Variants in DGLUCY observed in about 807,000 individuals in gnomAD.
The protein encoded by DGLUCY is D-glutamate cyclase.
DGLUCY carries 58 observed loss-of-function variants against 58.5 expected under a neutral mutation model. The observed-to-expected ratio is 0.99, with a 90% CI of 0.80 to 1.23. DGLUCY has a LOEUF of 1.23. Among genes scored for constraint, DGLUCY ranks in the 50% most tolerant of loss-of-function variants. The pLI is 0.00. For missense variants in DGLUCY, 779 were observed against 784.7 expected (o/e 0.99, Z 0.09); for synonymous variants, 325 against 314.1 (o/e 1.03, Z -0.37).
chr14:91,178,079 A>G (rs1211736116), intron 7 of DGLUCY, among the ~76,000 whole-genome samples: 2 of 152,376 alleles, frequency 1.3e-5, no homozygotes, highest in East Asian at 1.9e-4. Context: ...GGCATGTTCC[A>G]GTCCTTTAGT....
At chr14:91,155,538 GGC>G (rs1338690059) in intron 1 of DGLUCY, among the ~76,000 whole-genome samples, 1 of 152,158 alleles carries the variant, frequency 6.6e-6, no homozygotes, top group Non-Finnish European at 1.5e-5. Flanking sequence ...GGCCTTGCAC[GGC>G]GGCTCACTCC....
At chr14:91,186,034 A>T (rs1381236777) in intron 8 of DGLUCY, among the ~76,000 whole-genome samples, 1 of 152,084 alleles carries the variant, frequency 6.6e-6, no homozygotes, top group Non-Finnish European at 1.5e-5. Flanking sequence ...TTTTGAGAGG[A>T]TGTTGGCTTG....
At position 91,120,258 on chromosome 14, in the gene DGLUCY, A is replaced by G. The variant is rs1044746311; in HGVS notation, c.-82+5975A>G. 2.0e-5 allele frequency among the ~76,000 whole-genome samples: 3 copies of G among 152,234 alleles called. No individual in the cohort carries two copies. The East Asian group carries it at 5.8e-4, about 29-fold the overall frequency. The stretch of plus-strand genomic sequence containing the variant: ...TCTGGTGCTGAATGTCCACCCTGTC[A>G]TGGACCTCTGCCTGGGGCTGTCTCA... On this transcript the variant is annotated intron_variant, in intron 1 of 13. Transcript: ENST00000256324.
rs11289852 is a variant in DGLUCY, at chr14:91,178,171, CTT to C, written c.730+2127_730+2128del. ...CAATCTTGAATCATTCTCAAATTCC[CTT>C]TTTTTTTTTTTGAGACAAGGTCTCG... On this transcript the variant is annotated intron_variant, in intron 7 of 13. Coordinates refer to ENST00000256324, the MANE Select transcript of DGLUCY (RefSeq NM_001102368.3). Among the ~76,000 whole-genome samples the C allele has an allele frequency of 2.4e-3, 345 of 146,026 alleles. 2 individuals are homozygous for C. Among genetic ancestry groups the C allele is most frequent in the African/African-American group, 7.4e-3 (297 of 40,268 alleles).
chr14:91,211,457 T>G (rs995889199), intron 12 of DGLUCY, among the ~76,000 whole-genome samples: 8 of 152,146 alleles, frequency 5.3e-5, no homozygotes, highest in African/African-American at 1.9e-4. Flanking sequence ...ATCAAGGCAG[T>G]GTGGTATTGG....
chr14:91,139,895 G>C (rs928920881), intron 1 of DGLUCY, among the ~76,000 whole-genome samples: 1 of 152,190 alleles, frequency 6.6e-6, no homozygotes, highest in Non-Finnish European at 1.5e-5. Context: ...GATTTAAAAG[G>C]GGAGAAAGCA....
chr14:91,159,511 C>A (rs550683543), intron 2 of DGLUCY, among the ~76,000 whole-genome samples: 1 of 152,260 alleles, frequency 6.6e-6, no homozygotes, highest in Admixed American at 6.5e-5. Flanking sequence ...GCACAATTTC[C>A]TAGAGATTTG....
rs1182088430 is a variant in DGLUCY, at chr14:91,199,908, A to T, written c.1444+3A>T. Reference sequence around the variant, plus strand: ...GATTCCTGGAATCTCATCAACTGGTAAGTATGGAGTACTGGGGATGCACCA... The same window carrying T: ...GATTCCTGGAATCTCATCAACTGGTTAGTATGGAGTACTGGGGATGCACCA... On this transcript the variant is annotated splice_donor_region_variant and intron_variant, in intron 11 of 13. Transcript: ENST00000256324. 1 of 1,613,976 alleles carries T rather than the reference A, an allele frequency of 6.2e-7. No homozygotes were observed. The highest frequency in any genetic ancestry group is 1.3e-5 in the African/African-American group (1 of 74,902).
At position 91,204,830 on chromosome 14, in the gene DGLUCY, G is replaced by C. The variant is rs372841772; in HGVS notation, c.1564+5G>C. On this transcript the variant is annotated splice_donor_5th_base_variant and intron_variant, in intron 12 of 13. Coordinates refer to ENST00000256324, the MANE Select transcript of DGLUCY (RefSeq NM_001102368.3). ...CTGACTTTGCCGTCATTGCTGGTGA[G>C]CACTCGGATGGCCGCCCAGTCCGGC... is the stretch of plus-strand genomic sequence containing the variant. The C allele has an allele frequency of 9.3e-6, 15 of 1,613,858 alleles. No individual in the cohort carries two copies. Among genetic ancestry groups the C allele is most frequent in the African/African-American group, 2.7e-5 (2 of 74,942 alleles).
At chr14:91,080,645 A>G (rs990335969) in intron 1 of DGLUCY, among the ~76,000 whole-genome samples, 1 of 152,170 alleles carries the variant, frequency 6.6e-6, no homozygotes, top group African/African-American at 2.4e-5. Flanking sequence ...CTGGGATTAC[A>G]GGCATGAGCC....
intron 7 of DGLUCY, among the ~76,000 whole-genome samples, chr14:91,178,651 G>T (rs1191005210): frequency 6.6e-6 from 1 of 152,144 alleles, no homozygotes; most frequent in Non-Finnish European, 1.5e-5. Context: ...TCAGATTCAA[G>T]ACTTTTTCCC....
chr14:91,131,934 C>T (rs187688552), intron 1 of DGLUCY, among the ~76,000 whole-genome samples: 1 of 152,310 alleles, frequency 6.6e-6, no homozygotes. Context: ...GCTGGGATTA[C>T]AAGAGTGTGC....
At chr14:91,062,558 A>AATATATATAT (rs1157690131) in intron 1 of DGLUCY, among the ~76,000 whole-genome samples, 3 of 23,694 alleles carry the variant, frequency 1.3e-4, no homozygotes, top group African/African-American at 5.9e-4. Flanking sequence ...AAAAAAAAAA[A>AATATATATAT]ATATATATAT....
At chr14:91,156,199 C>T (rs1360229676) in intron 1 of DGLUCY, among the ~76,000 whole-genome samples, 4 of 151,736 alleles carry the variant, frequency 2.6e-5, no homozygotes, top group South Asian at 2.1e-4. Context: ...CTGCAACCTC[C>T]GCCTCCCAGG....
Position 91,069,311 on chromosome 14 carries a change from T to C in DGLUCY, c.-82+8607T>C, listed in dbSNP as rs1228506783. 2.0e-5 allele frequency among the ~76,000 whole-genome samples: 3 copies of C among 152,230 alleles called. 1 individual carries two copies. The highest frequency in any genetic ancestry group is 1.3e-4 in the Admixed American group (2 of 15,282). ...TCTATTTTGGGACGGAGTCTTGCTC[T>C]GTCACCCAGGCTGGAGTGCAGTGGC... On this transcript the variant is annotated intron_variant, in intron 1 of 4. Coordinates refer to the DGLUCY transcript ENST00000521334.
At chr14:91,076,325 G>T (rs1375829081) in intron 1 of DGLUCY, among the ~76,000 whole-genome samples, 1 of 152,138 alleles carries the variant, frequency 6.6e-6, no homozygotes, top group African/African-American at 2.4e-5. Flanking sequence ...ATATTTGCAT[G>T]TAACCTGTGC....
intron 12 of DGLUCY, among the ~76,000 whole-genome samples, chr14:91,212,003 A>G (rs1034845508): frequency 2.0e-5 from 3 of 152,160 alleles, no homozygotes; most frequent in African/African-American, 4.8e-5. Context: ...GGGTTTCACC[A>G]TGTTGGCCAC....
chr14:91,205,111 C>T (rs1250542577), intron 12 of DGLUCY, among the ~76,000 whole-genome samples: 3 of 152,160 alleles, frequency 2.0e-5, no homozygotes, highest in Non-Finnish European at 4.4e-5. Flanking sequence ...GACAAATAAA[C>T]ACATCAGATG....
At chr14:91,217,081 C>A (rs1886648016) in intron 13 of DGLUCY, among the ~76,000 whole-genome samples, 1 of 152,214 alleles carries the variant, frequency 6.6e-6, no homozygotes, top group Non-Finnish European at 1.5e-5. Context: ...GGGACCTGCC[C>A]CTCTTGGAGG....
Sources: allele counts gnomAD v4.1 joint callset (sites outside exome capture counted in the v4.1 genomes callset), GRCh38; gene constraint gnomAD v4.1.1; transcripts MANE v1.5; gene names NCBI Gene and HGNC (gene_info 2026-07-23, HGNC 2026-07-21).